KIF25: variants seen among roughly 807,000 people sequenced by gnomAD.
The protein encoded by KIF25 is kinesin-like protein KIF25.
KIF25 carries 19 observed loss-of-function variants against 32.9 expected under a neutral mutation model. The observed-to-expected ratio is 0.58, with a 90% CI of 0.40 to 0.85. The LOEUF (loss-of-function observed/expected upper bound fraction) is 0.85. Ranked by LOEUF, KIF25 falls within the 40% of genes least tolerant of loss-of-function variation. The pLI is 0.00. For missense variants in KIF25, 485 were observed against 507.0 expected (o/e 0.96, Z 0.42); for synonymous variants, 225 against 213.7 (o/e 1.05, Z -0.46).
At chr6:168,029,286 G>C (rs1428027718) in intron 5 of KIF25, among the ~76,000 whole-genome samples, 1 of 152,144 alleles carries the variant, frequency 6.6e-6, no homozygotes, top group East Asian at 1.9e-4. Context: ...CCATAGATTA[G>C]GAAACTTAGA....
intron 4 of KIF25, among the ~76,000 whole-genome samples, chr6:168,014,405 G>T (rs1798687269): frequency 6.6e-6 from 1 of 152,132 alleles, no homozygotes; most frequent in South Asian, 2.1e-4. Context: ...GATATTTGAG[G>T]TTTTCCATCT....
intron 5 of KIF25, among the ~76,000 whole-genome samples, chr6:168,023,938 A>G (rs1186307245): frequency 6.6e-6 from 1 of 152,180 alleles, no homozygotes; most frequent in Non-Finnish European, 1.5e-5. Context: ...TTATTTACTG[A>G]AAAACATTTT....
At chr6:168,017,938 A>G (rs1366394387) in intron 4 of KIF25, 35 bp from the exon 5 acceptor site, 2 of 152,564 alleles carry the variant, frequency 1.3e-5, no homozygotes, top group Admixed American at 1.3e-4. Context: ...GCAGCACACA[A>G]AGTCTTATGA....
At chr6:168,033,845 G>A (rs748063609) in intron 7 of KIF25, 37 bp from the exon 8 acceptor site, 19 of 1,586,514 alleles carry the variant, frequency 1.2e-5, no homozygotes, top group Non-Finnish European at 1.5e-5. Flanking sequence ...TGGCACCCAC[G>A]TGTGTTTTGC....
intron 10 of KIF25, 94 bp downstream of exon 10, chr6:168,040,310 A>G: frequency 7.7e-7 from 1 of 1,292,970 alleles, no homozygotes; most frequent in Non-Finnish European, 1.0e-6. Flanking sequence ...TCACGCCTGT[A>G]ATCCCAGCAC....
Position 168,042,159 on chromosome 6 carries a change from G to A in KIF25, c.829+8G>A, listed in dbSNP as rs1323294836. 3.5e-5 allele frequency: 54 copies of A among 1,546,536 alleles called. No individual in the cohort carries two copies. The highest frequency in any genetic ancestry group is 4.5e-5 in the Non-Finnish European group (52 of 1,145,096). On this transcript the variant is annotated splice_region_variant and intron_variant, in intron 11 of 12. Coordinates refer to ENST00000643607, the MANE Select transcript of KIF25 (RefSeq NM_030615.4). Reference sequence around the variant, plus strand: ...CCGGCAGCGAGTGCGTTGGTGAGCAGGGGCAGGCATTTCCCTGGGGGGTGG... The same window carrying A: ...CCGGCAGCGAGTGCGTTGGTGAGCAAGGGCAGGCATTTCCCTGGGGGGTGG...
intron 4 of KIF25, among the ~76,000 whole-genome samples, chr6:168,005,186 TG>T (rs1489049021): frequency 2.0e-5 from 3 of 152,078 alleles, no homozygotes; most frequent in African/African-American, 7.2e-5. Flanking sequence ...GTTGGGACAG[TG>T]GGGGAAGTCC....
intron 2 of KIF25, among the ~76,000 whole-genome samples, chr6:168,001,755 T>G (rs1314099967): frequency 1.4e-5 from 1 of 72,630 alleles, no homozygotes; most frequent in Non-Finnish European, 2.6e-5. Flanking sequence ...AGGCGTAGCC[T>G]CGGGCAGGTG....
chr6:168,029,768 T>A (rs1389905538), intron 6 of KIF25, 91 bp downstream of exon 6: 2 of 1,459,822 alleles, frequency 1.4e-6, no homozygotes, highest in African/African-American at 2.8e-5. Flanking sequence ...TCTACTTTTG[T>A]ATCTTGGTGT....
chr6:168,039,638 G>A (rs994568900), intron 9 of KIF25, among the ~76,000 whole-genome samples: 7 of 152,210 alleles, frequency 4.6e-5, no homozygotes, highest in African/African-American at 1.7e-4. Flanking sequence ...AGACTGTGAT[G>A]GAAATGTTAT....
intron 5 of KIF25, among the ~76,000 whole-genome samples, chr6:168,019,694 T>C (rs972575585): frequency 6.6e-6 from 1 of 152,180 alleles, no homozygotes; most frequent in Non-Finnish European, 1.5e-5. Context: ...TTTTGTTATA[T>C]GTATTTTTTT....
rs1248113182 is a variant in KIF25, at chr6:167,998,513, A to T, written c.-956A>T. On this transcript the variant is annotated 5_prime_UTR_variant, in exon 1 of 13. Transcript: ENST00000643607. ...AATGGATTTGGCAAGTTCTGAGCAC[A>T]TACGGAGAAGATGTGTTGCTCACTG... 9 of 152,218 alleles carry T rather than the reference A, an allele frequency of 5.9e-5. No individual in the cohort carries two copies. The highest frequency in any genetic ancestry group is 5.2e-4 in the Admixed American group (8 of 15,286). 9.4% of individuals were successfully genotyped at this position (152,218 alleles called of 1,614,324 possible). A position where few individuals can be genotyped will look rare whatever the true frequency, so the allele number is the denominator to read the frequency against.
intron 8 of KIF25, chr6:168,035,632 G>T (rs1799013371): frequency 1.1e-5 from 5 of 446,970 alleles, no homozygotes; most frequent in Middle Eastern, 3.3e-4. Context: ...GATAATCAGC[G>T]TTACCAATGG....
chr6:168,008,081 G>A (rs1324332727), intron 4 of KIF25, among the ~76,000 whole-genome samples: 1 of 152,140 alleles, frequency 6.6e-6, no homozygotes, highest in African/African-American at 2.4e-5. Flanking sequence ...ACCTTATGAA[G>A]GAATACTGTA....
In KIF25 at chr6:167,997,989, G is replaced by A. The variant is rs1798445089; in HGVS notation, c.-1480G>A. Among the ~76,000 whole-genome samples, 1 of 152,142 alleles carries A rather than the reference G, an allele frequency of 6.6e-6. No homozygotes were observed. Among genetic ancestry groups the A allele is most frequent in the Non-Finnish European group, 1.5e-5 (1 of 68,030 alleles). Reference sequence around the variant, plus strand: ...TATGTAGTTCAGTGCTCCAAACATTGATATAAGAGAACATTTATTGAGTGC... The same window carrying A: ...TATGTAGTTCAGTGCTCCAAACATTAATATAAGAGAACATTTATTGAGTGC... On this transcript the variant is annotated 5_prime_UTR_variant, in exon 1 of 13. Coordinates refer to ENST00000643607, the MANE Select transcript of KIF25 (RefSeq NM_030615.4).
intron 4 of KIF25, among the ~76,000 whole-genome samples, chr6:168,005,154 C>A (rs1008103755): frequency 1.3e-5 from 2 of 152,080 alleles, no homozygotes; most frequent in Non-Finnish European, 2.9e-5. Context: ...CTGGCATGCA[C>A]GAGCTGACTG....
chr6:168,001,140 C>A (rs373205553), intron 2 of KIF25, among the ~76,000 whole-genome samples: 1 of 152,210 alleles, frequency 6.6e-6, no homozygotes, highest in South Asian at 2.1e-4. Context: ...CAGTGTGGCG[C>A]GGGACAGGCC....
rs746762475 is a variant in KIF25 at position 168,044,905 on chromosome 6, G to A, written c.1064G>A (p.Gly355Asp). ...RHLAQTLQGLGFGIRARQVQR... is the reference protein window; with the variant it reads ...RHLAQTLQGLDFGIRARQVQR... ...CTGGCACAGACGTTGCAGGGCCTGGGTTTCGGGATCCGAGCTCGGCAAGTC... is the reference window on the plus strand; with the variant it reads ...CTGGCACAGACGTTGCAGGGCCTGGATTTCGGGATCCGAGCTCGGCAAGTC... Residue 355 changes from glycine (G) to aspartate (D), a missense_variant, in exon 13 of 13, where the codon GGT (glycine) becomes GAT (aspartate). By Grantham distance (94) the Gly-to-Asp change is moderately conservative (BLOSUM62 -1). Transcript: ENST00000643607. The A allele has an allele frequency of 2.2e-5, 36 of 1,613,156 alleles. No homozygotes were observed. Among genetic ancestry groups the A allele is most frequent in the Non-Finnish European group, 2.8e-5 (33 of 1,179,444 alleles).
intron 4 of KIF25, among the ~76,000 whole-genome samples, chr6:168,016,911 C>T (rs1284537680): frequency 2.0e-5 from 3 of 152,236 alleles, no homozygotes; most frequent in Admixed American, 2.0e-4. Flanking sequence ...CTGAGGCTGG[C>T]GTTCCGTCAT....
Sources: allele counts gnomAD v4.1 joint callset (sites outside exome capture counted in the v4.1 genomes callset), GRCh38; gene constraint gnomAD v4.1.1; transcripts MANE v1.5; gene names NCBI Gene and HGNC (gene_info 2026-07-23, HGNC 2026-07-21).